Variants in ENTPD1 observed in about 807,000 individuals in gnomAD.
The protein encoded by ENTPD1 is ectonucleoside triphosphate diphosphohydrolase 1.
In ENTPD1, 33 loss-of-function variants were observed where a neutral mutation model predicts 57.0. That is an observed-to-expected ratio of 0.58 (90% CI 0.44 to 0.77). The LOEUF (loss-of-function observed/expected upper bound fraction) is 0.77, where lower values mean the gene tolerates loss of function less well. ENTPD1 is among the 30% of genes least tolerant of loss of function. The probability of loss-of-function intolerance (pLI) is 0.00; values close to 1 mark genes in which losing one functional copy is unlikely to be tolerated. For missense variants in ENTPD1, 501 were observed against 603.4 expected (o/e 0.83, Z 1.78); for synonymous variants, 202 against 218.8 (o/e 0.92, Z 0.68).
chr10:95,867,307 C>T lies in ENTPD1; in HGVS notation c.*924C>T, dbSNP rs2098475581. The T allele has an allele frequency of 3.1e-6, 3 of 982,360 alleles. No homozygotes were observed. Among genetic ancestry groups the T allele is most frequent in the Admixed American group, 1.2e-4 (2 of 16,260 alleles). 60.9% of individuals were successfully genotyped at this position (982,360 alleles called of 1,614,324 possible). A position where few individuals can be genotyped will look rare whatever the true frequency, so the allele number is the denominator to read the frequency against. ...TTAGTACATTCACAGTGTTGTGCCACCATCACCACTATTTAGTTCCAGAAC... is the reference window on the plus strand; with the variant it reads ...TTAGTACATTCACAGTGTTGTGCCATCATCACCACTATTTAGTTCCAGAAC... On this transcript the variant is annotated 3_prime_UTR_variant, in exon 10 of 10. Transcript: ENST00000371205.
At chr10:95,744,602 C>A (rs991084360) in intron 1 of ENTPD1, among the ~76,000 whole-genome samples, 2 of 145,692 alleles carry the variant, frequency 1.4e-5, no homozygotes, top group African/African-American at 5.1e-5. Flanking sequence ...GCCTCTGTGG[C>A]AGAGTAAGAC....
chr10:95,809,370 G>A (rs1287104043), intron 1 of ENTPD1, among the ~76,000 whole-genome samples: 16 of 146,406 alleles, frequency 1.1e-4, no homozygotes, highest in Middle Eastern at 3.6e-3. Context: ...AAGACGGGGC[G>A]GCCGGGCAGA....
At chr10:95,795,614 C>T (rs2140297697) in intron 1 of ENTPD1, among the ~76,000 whole-genome samples, 1 of 152,306 alleles carries the variant, frequency 6.6e-6, no homozygotes, top group Non-Finnish European at 1.5e-5. Flanking sequence ...ACTGCGTCTT[C>T]ATGTCAACTT....
chr10:95,781,513 T>G (rs1489315546), intron 1 of ENTPD1, among the ~76,000 whole-genome samples: 2 of 152,162 alleles, frequency 1.3e-5, no homozygotes, highest in Non-Finnish European at 2.9e-5. Flanking sequence ...GATGTGATTA[T>G]TACGCATTGC....
the ENTPD1 span, among the ~76,000 whole-genome samples, chr10:95,701,523 T>G: frequency 2.6e-5 from 4 of 152,122 alleles, no homozygotes; most frequent in Admixed American, 2.6e-4. Flanking sequence ...CATAAATAGA[T>G]AGATTAAATA....
intron 2 of ENTPD1, among the ~76,000 whole-genome samples, chr10:95,834,603 T>C (rs911254969): frequency 6.6e-6 from 1 of 152,220 alleles, no homozygotes; most frequent in Non-Finnish European, 1.5e-5. Context: ...TTTCTCTTTC[T>C]TTCTGCTTCT....
chr10:95,711,850 G>A (rs1397304777), exon 1 of ENTPD1: 11 of 1,525,616 alleles, frequency 7.2e-6, no homozygotes, highest in Middle Eastern at 2.3e-4. Flanking sequence ...TTTTGTCAGC[G>A]ATTGTCAGTG....
At position 95,872,750 on chromosome 10, in the gene ENTPD1, G is replaced by A. The variant is rs1333291185; in HGVS notation, c.*6367G>A. On this transcript the variant is annotated 3_prime_UTR_variant, in exon 10 of 10. Coordinates refer to ENST00000371205, the MANE Select transcript of ENTPD1 (RefSeq NM_001776.6). ...CCGACTACAAACCCTTCTGTTGCTG[G>A]CGAGCTGGTCCGCACCACTAGTTCT... 1.0e-6 allele frequency: 1 copy of A among 985,284 alleles called. No homozygotes were observed. Among genetic ancestry groups the A allele is most frequent in the East Asian group, 1.1e-4 (1 of 8,834 alleles). The allele number at this position is 985,284 out of a possible 1,614,324, so 61.0% of individuals were successfully genotyped here. A position where few individuals can be genotyped will look rare whatever the true frequency, so the allele number is the denominator to read the frequency against.
chr10:95,860,480 T>C lies in ENTPD1; in HGVS notation c.1086T>C (p.Ala362=), dbSNP rs145525308. 3.4e-5 allele frequency: 55 copies of C among 1,613,164 alleles called. No homozygotes were observed. The highest frequency in any genetic ancestry group is 4.6e-5 in the Non-Finnish European group (54 of 1,179,482). ...PLQGDFGAFS[A]FYFVMKFLNL... Reference sequence around the variant, plus strand: ...ATTTTCTCTTGTAGGCATTTTCAGCTTTTTACTTTGTGATGAAGTTTTTAA... The same window carrying C: ...ATTTTCTCTTGTAGGCATTTTCAGCCTTTTACTTTGTGATGAAGTTTTTAA... The change falls in exon 8 of 10, where the codon GCT becomes GCC. Residue 362 remains alanine (A), a synonymous_variant. Transcript: ENST00000371205.
rs1265341426 is a variant in ENTPD1 at position 95,866,773 on chromosome 10, T to G, written c.*390T>G. On this transcript the variant is annotated 3_prime_UTR_variant, in exon 10 of 10. Transcript: ENST00000371205. ...TGGCTGAAAGAAGAATCTCAGGAAC[T>G]GGTTCAGTTGTACTCTTTAAGAACC... The G allele has an allele frequency of 2.7e-6, 3 of 1,127,088 alleles. No homozygotes were observed. The highest frequency in any genetic ancestry group is 3.3e-6 in the Non-Finnish European group (3 of 913,234). 69.8% of individuals were successfully genotyped at this position (1,127,088 alleles called of 1,614,324 possible). A position where few individuals can be genotyped will look rare whatever the true frequency, so the allele number is the denominator to read the frequency against.
At chr10:95,706,332 G>T in the ENTPD1 span, among the ~76,000 whole-genome samples, 1 of 152,010 alleles carries the variant, frequency 6.6e-6, no homozygotes, top group Non-Finnish European at 1.5e-5. Flanking sequence ...GGAAGAATGA[G>T]GTACACAGAC....
chr10:95,733,446 G>A (rs1190782384), intron 1 of ENTPD1, among the ~76,000 whole-genome samples: 1 of 152,196 alleles, frequency 6.6e-6, no homozygotes, highest in East Asian at 1.9e-4. Flanking sequence ...AGCTTATGAA[G>A]ATGATGGGAT....
At chr10:95,733,393 G>A (rs1255661409) in intron 1 of ENTPD1, among the ~76,000 whole-genome samples, 1 of 152,108 alleles carries the variant, frequency 6.6e-6, no homozygotes, top group Non-Finnish European at 1.5e-5. Context: ...AATTTGTGCA[G>A]TTAACGCAAT....
At chr10:95,775,216 G>A (rs376674593) in intron 1 of ENTPD1, among the ~76,000 whole-genome samples, 18 of 152,342 alleles carry the variant, frequency 1.2e-4, no homozygotes, top group Middle Eastern at 3.4e-3. Context: ...ATCAGCTTAA[G>A]GAGATTTTGG....
intron 1 of ENTPD1, among the ~76,000 whole-genome samples, chr10:95,740,787 G>A (rs185204998): frequency 8.5e-5 from 13 of 152,262 alleles, no homozygotes; most frequent in African/African-American, 2.4e-4. Flanking sequence ...TTTACATTAC[G>A]GAGGTGGCTT....
intron 1 of ENTPD1, among the ~76,000 whole-genome samples, chr10:95,796,593 T>A (rs997122660): frequency 6.6e-6 from 1 of 152,164 alleles, no homozygotes; most frequent in Non-Finnish European, 1.5e-5. Context: ...CTTAAAATTG[T>A]TGCTGGAGTT....
chr10:95,696,169 T>A, the ENTPD1 span, among the ~76,000 whole-genome samples: 1 of 152,220 alleles, frequency 6.6e-6, no homozygotes. Flanking sequence ...ATTTTTGAAT[T>A]TTAACACAAC....
chr10:95,725,657 TA>T (rs1019188316), intron 1 of ENTPD1, among the ~76,000 whole-genome samples: 1 of 152,142 alleles, frequency 6.6e-6, no homozygotes, highest in Non-Finnish European at 1.5e-5. Flanking sequence ...GAGGTTGTGT[TA>T]AAAAAACTGA....
chr10:95,801,823 G>A (rs1400440533), intron 1 of ENTPD1, among the ~76,000 whole-genome samples: 4 of 152,106 alleles, frequency 2.6e-5, no homozygotes, highest in Admixed American at 6.5e-5. Flanking sequence ...CTCTTTCTTG[G>A]TTCCATATGA....
Sources: allele counts gnomAD v4.1 joint callset (sites outside exome capture counted in the v4.1 genomes callset), GRCh38; gene constraint gnomAD v4.1.1; transcripts MANE v1.5; gene names NCBI Gene and HGNC (gene_info 2026-07-23, HGNC 2026-07-21).